The following NSMCE2 variants were observed in gnomAD, a reference collection of about 807,000 sequenced individuals.
NSMCE2 encodes NSE2 SUMO ligase component of SMC5/6 complex.
NSMCE2 carries 24 observed loss-of-function variants against 23.8 expected under a neutral mutation model. That is an observed-to-expected ratio of 1.01 (90% CI 0.73 to 1.42). The LOEUF is 1.42. NSMCE2 is among the 40% of genes most tolerant of loss of function. NSMCE2 has a pLI of 0.00. For synonymous variants in NSMCE2, 92 were observed against 94.1 expected, an observed-to-expected ratio of 0.98 and a Z score of 0.13; for missense variants, 284 against 296.5, an observed-to-expected ratio of 0.96 and a Z score of 0.31.
chr8:125,154,531 G>A (rs986065228), intron 4 of NSMCE2, among the ~76,000 whole-genome samples: 9 of 148,704 alleles, frequency 6.1e-5, no homozygotes, highest in Admixed American at 5.4e-4. Context: ...AAAAAAAAAG[G>A]ACTCATTCCA....
intron 5 of NSMCE2, among the ~76,000 whole-genome samples, chr8:125,337,884 C>CAAAAAAAA (rs35658538): frequency 6.2e-5 from 6 of 97,360 alleles, no homozygotes; most frequent in Non-Finnish European, 1.2e-4. Flanking sequence ...AACTCTATCT[C>CAAAAAAAA]AAAAAAAAAA....
chr8:125,169,562 A>G (rs1395557714), intron 4 of NSMCE2, among the ~76,000 whole-genome samples: 1 of 151,944 alleles, frequency 6.6e-6, no homozygotes, highest in Non-Finnish European at 1.5e-5. Flanking sequence ...AGCTCTTCAC[A>G]TTTTACATTC....
At chr8:125,232,329 T>C (rs1825357164) in intron 5 of NSMCE2, among the ~76,000 whole-genome samples, 1 of 151,872 alleles carries the variant, frequency 6.6e-6, no homozygotes, top group Non-Finnish European at 1.5e-5. Context: ...TGCCATTGCA[T>C]TCCAGCCTGG....
At chr8:125,140,312 C>T (rs1168970765) in intron 3 of NSMCE2, among the ~76,000 whole-genome samples, 3 of 152,124 alleles carry the variant, frequency 2.0e-5, no homozygotes, top group African/African-American at 4.8e-5. Context: ...TAAGAGTCTC[C>T]TGTGTTGGAG....
chr8:125,151,139 A>T (rs766086802), intron 3 of NSMCE2, 32 bp from the exon 4 acceptor site: 5 of 1,205,696 alleles, frequency 4.1e-6, no homozygotes, highest in Non-Finnish European at 6.1e-6. Flanking sequence ...TTTTAAATGG[A>T]AAATAATAAT....
intron 5 of NSMCE2, among the ~76,000 whole-genome samples, chr8:125,263,846 C>T (rs1826805007): frequency 2.0e-5 from 3 of 152,122 alleles, no homozygotes; most frequent in South Asian, 4.1e-4. Flanking sequence ...TCAGCTCTAG[C>T]GTGTAAAGAG....
intron 5 of NSMCE2, among the ~76,000 whole-genome samples, chr8:125,292,336 C>G (rs2131166818): frequency 6.6e-6 from 1 of 152,168 alleles, no homozygotes; most frequent in Non-Finnish European, 1.5e-5. Flanking sequence ...GGGTGGATCA[C>G]TTGAGGTCAG....
chr8:125,192,883 G>A (rs1252039169), intron 5 of NSMCE2, among the ~76,000 whole-genome samples: 3 of 152,164 alleles, frequency 2.0e-5, no homozygotes, highest in African/African-American at 4.8e-5. Context: ...CTGCTAACAT[G>A]TGCTGTCTTT....
intron 1 of NSMCE2, among the ~76,000 whole-genome samples, chr8:125,095,667 G>C (rs182072501): frequency 2.6e-5 from 4 of 151,978 alleles, no homozygotes; most frequent in African/African-American, 9.7e-5. Context: ...GGCCGAGGCC[G>C]GTGGATCACT....
chr8:125,219,940 G>A (rs1232882881), intron 5 of NSMCE2, among the ~76,000 whole-genome samples: 1 of 152,168 alleles, frequency 6.6e-6, no homozygotes, highest in Admixed American at 6.5e-5. Context: ...AATACAGTGA[G>A]GCATACAACG....
At chr8:125,128,246 T>C (rs998873772) in intron 3 of NSMCE2, among the ~76,000 whole-genome samples, 4 of 152,144 alleles carry the variant, frequency 2.6e-5, no homozygotes, top group Non-Finnish European at 5.9e-5. Flanking sequence ...TCTCTGGCCA[T>C]AATGTGGGAA....
chr8:125,239,211 A>G (rs1274944193), intron 5 of NSMCE2, among the ~76,000 whole-genome samples: 1 of 152,222 alleles, frequency 6.6e-6, no homozygotes, highest in African/African-American at 2.4e-5. Context: ...GTTGCATCAG[A>G]ACACTCAAAA....
At chr8:125,220,268 C>T (rs1824790976) in intron 5 of NSMCE2, among the ~76,000 whole-genome samples, 1 of 152,126 alleles carries the variant, frequency 6.6e-6, no homozygotes, top group African/African-American at 2.4e-5. Context: ...TTTATTTTAA[C>T]ATGTTTTTGT....
At chr8:125,166,666 G>A (rs1821893179) in intron 4 of NSMCE2, among the ~76,000 whole-genome samples, 1 of 152,162 alleles carries the variant, frequency 6.6e-6, no homozygotes, top group South Asian at 2.1e-4. Context: ...TGATTCTTAA[G>A]ATCCTCTAGT....
At chr8:125,123,593 C>T (rs1006980225) in intron 3 of NSMCE2, among the ~76,000 whole-genome samples, 16 of 152,334 alleles carry the variant, frequency 1.1e-4, no homozygotes, top group African/African-American at 1.9e-4. Flanking sequence ...TGTGTACATG[C>T]GCACACGCAC....
intron 3 of NSMCE2, among the ~76,000 whole-genome samples, chr8:125,144,514 A>G (rs1344627882): frequency 6.6e-6 from 1 of 152,214 alleles, no homozygotes; most frequent in Non-Finnish European, 1.5e-5. Context: ...GGATAAGCTC[A>G]TGAGTCCATG....
Position 125,235,667 on chromosome 8 carries a change from G to A in NSMCE2, c.418+53411G>A, listed in dbSNP as rs1250473781. On this transcript the variant is annotated intron_variant, in intron 5 of 7. Transcript: ENST00000287437. ...TCCATGTCAGTGAATACAAAGAATT[G>A]TGTTTAAATATACCTTTTTATTTCC... Among the ~76,000 whole-genome samples the A allele has an allele frequency of 6.6e-5, 10 of 152,180 alleles. No homozygotes were observed. In the East Asian group the frequency reaches 1.7e-3, roughly 26 times the overall value.
At chr8:125,340,306 G>A (rs1168971535) in intron 5 of NSMCE2, among the ~76,000 whole-genome samples, 3 of 152,282 alleles carry the variant, frequency 2.0e-5, no homozygotes, top group Admixed American at 1.3e-4. Flanking sequence ...CTACTCGACT[G>A]TCATTGTGAA....
chr8:125,193,056 A>G (rs1238989376), intron 5 of NSMCE2, among the ~76,000 whole-genome samples: 1 of 152,230 alleles, frequency 6.6e-6, no homozygotes, highest in African/African-American at 2.4e-5. Flanking sequence ...AAAATATGCA[A>G]CATCAATTCA....
Sources: gnomAD v4.1 joint callset for allele counts (sites outside exome capture counted in the v4.1 genomes callset) on GRCh38, gnomAD v4.1.1 for gene constraint, MANE v1.5 for transcripts, NCBI Gene and HGNC (gene_info 2026-07-23, HGNC 2026-07-21) for gene names.